The following SNTG1 variants were observed in gnomAD, a reference collection of about 807,000 sequenced individuals.
The protein encoded by SNTG1 is gamma-1-syntrophin.
Under a neutral mutation model 74.7 loss-of-function variants are expected in SNTG1, and 39 were observed. The observed-to-expected ratio is 0.52, with a 90% CI of 0.40 to 0.68. The LOEUF (loss-of-function observed/expected upper bound fraction) is 0.68, where lower values mean the gene tolerates loss of function less well. Among genes scored for constraint, SNTG1 ranks in the 30% least tolerant of loss-of-function variants. The probability of loss-of-function intolerance (pLI) is 0.00; values close to 1 mark genes in which losing one functional copy is unlikely to be tolerated. For missense variants in SNTG1, 685 were observed against 609.5 expected (o/e 1.12, Z -1.30); for synonymous variants, 254 against 217.1 (o/e 1.17, Z -1.49).
intron 2 of SNTG1, among the ~76,000 whole-genome samples, chr8:50,325,424 C>A (rs1379814982): frequency 6.6e-6 from 1 of 151,842 alleles, no homozygotes; most frequent in Admixed American, 6.6e-5. Flanking sequence ...TAATATAGAT[C>A]TTGAACATTT....
At chr8:50,364,269 T>C (rs2092045119) in intron 2 of SNTG1, among the ~76,000 whole-genome samples, 1 of 152,084 alleles carries the variant, frequency 6.6e-6, no homozygotes, top group African/African-American at 2.4e-5. Flanking sequence ...TAACATAAAC[T>C]CAGGTGTGGT....
chr8:50,015,347 CAGAA>C (rs1159829974), intron 1 of SNTG1, among the ~76,000 whole-genome samples: 1 of 151,686 alleles, frequency 6.6e-6, no homozygotes, highest in Non-Finnish European at 1.5e-5. Context: ...TATGTAGTTT[CAGAA>C]AGAGAGTGGA....
chr8:49,976,410 T>G (rs1253678423), intron 1 of SNTG1, among the ~76,000 whole-genome samples: 1 of 152,188 alleles, frequency 6.6e-6, no homozygotes, highest in Non-Finnish European at 1.5e-5. Context: ...TTGCCTGATT[T>G]CTGCCAGGTT....
At chr8:50,072,544 A>G (rs1202726751) in intron 1 of SNTG1, among the ~76,000 whole-genome samples, 1 of 152,258 alleles carries the variant, frequency 6.6e-6, no homozygotes, top group African/African-American at 2.4e-5. Context: ...TTAACTGCCT[A>G]CATTAGTTTT....
At chr8:50,177,674 A>G (rs941154974) in intron 2 of SNTG1, among the ~76,000 whole-genome samples, 2 of 152,194 alleles carry the variant, frequency 1.3e-5, no homozygotes, top group Admixed American at 6.5e-5. Flanking sequence ...TAGCCTTATA[A>G]GGCCCCTGCA....
At chr8:50,464,036 AG>A (rs2093589168) in intron 8 of SNTG1, among the ~76,000 whole-genome samples, 1 of 152,212 alleles carries the variant, frequency 6.6e-6, no homozygotes, top group Admixed American at 6.5e-5. Flanking sequence ...AACTTCTGCT[AG>A]CTTCCAACTT....
chr8:50,488,321 TC>T (rs1439988350), intron 8 of SNTG1, among the ~76,000 whole-genome samples: 2 of 152,222 alleles, frequency 1.3e-5, no homozygotes, highest in Non-Finnish European at 2.9e-5. Context: ...GTTTTATTTG[TC>T]AGTCTGCCAC....
At chr8:50,539,758 G>A (rs2094333284) in intron 11 of SNTG1, among the ~76,000 whole-genome samples, 1 of 152,194 alleles carries the variant, frequency 6.6e-6, no homozygotes, top group African/African-American at 2.4e-5. Flanking sequence ...TTAAGGTGTA[G>A]GATGGAAGAA....
intron 2 of SNTG1, among the ~76,000 whole-genome samples, chr8:50,329,378 C>T (rs112351055): frequency 0.05 from 7,542 of 152,188 alleles, 251 homozygotes; most frequent in Non-Finnish European, 0.071. Flanking sequence ...AGGGCTCCAC[C>T]CCTGCAGCAG....
intron 12 of SNTG1, among the ~76,000 whole-genome samples, chr8:50,585,466 A>G (rs1286770263): frequency 6.6e-6 from 1 of 152,220 alleles, no homozygotes; most frequent in African/African-American, 2.4e-5. Flanking sequence ...TTAGCTACGT[A>G]TAACACAAAT....
chr8:50,491,088 A>C (rs1483907029), intron 8 of SNTG1: 1 of 152,522 alleles, frequency 6.6e-6, no homozygotes, highest in Admixed American at 6.5e-5. Flanking sequence ...GACGTGACAC[A>C]GATGTCCTTG....
chr8:50,331,371 TG>T (rs2090960863), intron 2 of SNTG1, among the ~76,000 whole-genome samples: 1 of 152,180 alleles, frequency 6.6e-6, no homozygotes, highest in Non-Finnish European at 1.5e-5. Flanking sequence ...TGCATGAACT[TG>T]AGACCAAAAC....
At chr8:50,242,141 A>G (rs572036623) in intron 2 of SNTG1, among the ~76,000 whole-genome samples, 2 of 152,144 alleles carry the variant, frequency 1.3e-5, no homozygotes, top group African/African-American at 4.8e-5. Flanking sequence ...ACATACATAT[A>G]CATATGTGTA....
chr8:50,764,587 T>C (rs2095608844), intron 18 of SNTG1, among the ~76,000 whole-genome samples: 1 of 151,892 alleles, frequency 6.6e-6, no homozygotes, highest in African/African-American at 2.4e-5. Flanking sequence ...TATCACCTCA[T>C]ATCTATCAAA....
chr8:49,987,522 ATT>A (rs1288495611), intron 1 of SNTG1, among the ~76,000 whole-genome samples: 2 of 152,142 alleles, frequency 1.3e-5, no homozygotes, highest in African/African-American at 4.8e-5. Context: ...CAGTGGAACA[ATT>A]TATGCCCAGA....
chr8:49,971,754 T>A lies in SNTG1; in HGVS notation c.-103+59523T>A, dbSNP rs540048362. On this transcript the variant is annotated intron_variant, in intron 1 of 18. Transcript: ENST00000642720. ...ACAGAGAGCCAAATCATGAGTGAAC[T>A]CCCATTCACAATTGCTTCAAAGAGA... 6.6e-5 allele frequency among the ~76,000 whole-genome samples: 10 copies of A among 152,140 alleles called. No homozygotes were observed. In the East Asian group the frequency reaches 1.7e-3, roughly 26 times the overall value.
intron 1 of SNTG1, among the ~76,000 whole-genome samples, chr8:49,997,367 TA>T (rs1287873865): frequency 6.6e-6 from 1 of 152,100 alleles, no homozygotes; most frequent in African/African-American, 2.4e-5. Context: ...TATATAAATA[TA>T]TTGTTATTTT....
intron 8 of SNTG1, among the ~76,000 whole-genome samples, chr8:50,482,548 A>G (rs1733290836): frequency 6.6e-6 from 1 of 152,186 alleles, no homozygotes; most frequent in African/African-American, 2.4e-5. Flanking sequence ...AAAATCTCTA[A>G]CAGAACATAA....
chr8:50,083,419 A>G (rs1221621447), intron 1 of SNTG1, among the ~76,000 whole-genome samples: 3 of 152,224 alleles, frequency 2.0e-5, no homozygotes, highest in Non-Finnish European at 2.9e-5. Flanking sequence ...TTTTGCACCC[A>G]TAAATTATCT....
Sources: gnomAD v4.1 joint callset for allele counts (sites outside exome capture counted in the v4.1 genomes callset) on GRCh38, gnomAD v4.1.1 for gene constraint, MANE v1.5 for transcripts, NCBI Gene and HGNC (gene_info 2026-07-23, HGNC 2026-07-21) for gene names.